The following DDX19B variants were observed in gnomAD, a reference collection of about 807,000 sequenced individuals.
DDX19B encodes the protein DEAD-box helicase 19B, also known as ATP-dependent RNA helicase DDX19B.
DDX19B carries 27 observed loss-of-function variants against 58.1 expected under a neutral mutation model. The observed-to-expected ratio is 0.46, with a 90% CI of 0.34 to 0.64. DDX19B has a LOEUF of 0.64. DDX19B is among the 30% of genes least tolerant of loss of function. DDX19B has a pLI of 0.01. For synonymous variants in DDX19B, 187 were observed against 214.4 expected (o/e 0.87, Z 1.12); for missense variants, 399 against 596.5 (o/e 0.67, Z 3.45).
chr16:70,316,221 T>C (rs1172080438), intron 4 of DDX19B, 117 bp downstream of exon 4: 5 of 1,453,438 alleles, frequency 3.4e-6, no homozygotes, highest in South Asian at 1.5e-5. Flanking sequence ...GTTTTTTTTT[T>C]TTTTTCGAGA....
upstream of DDX19B, chr16:70,294,905 G>C (rs1057097109): frequency 2.3e-5 from 35 of 1,525,872 alleles, no homozygotes; most frequent in Non-Finnish European, 3.0e-5. Flanking sequence ...CCATCACCCT[G>C]CCTGTGGGCG....
rs1963046454 is a variant in DDX19B, at chr16:70,324,662, T to G, written c.467T>G (p.Val156Gly). 1.2e-6 allele frequency: 2 copies of G among 1,613,590 alleles called. No homozygotes were observed. The highest frequency in any genetic ancestry group is 1.7e-6 in the Non-Finnish European group (2 of 1,179,956). The change falls in exon 6 of 12, where the codon GTA becomes GGA. Residue 156 changes from valine (V) to glycine (G), a missense_variant. Coordinates refer to ENST00000288071, the MANE Select transcript of DDX19B (RefSeq NM_007242.7). ...AAFVLAMLSQ[V>G]EPANKYPQCL... Reference sequence around the variant, plus strand: ...TTCGTGCTGGCCATGCTTAGCCAAGTAGAACCTGCAAACAAATACCCCCAG... The same window carrying G: ...TTCGTGCTGGCCATGCTTAGCCAAGGAGAACCTGCAAACAAATACCCCCAG...
intron 7 of DDX19B, among the ~76,000 whole-genome samples, chr16:70,326,489 C>T (rs1251462412): frequency 6.6e-6 from 1 of 152,110 alleles, no homozygotes; most frequent in East Asian, 1.9e-4. Flanking sequence ...AACAAGCAAA[C>T]AAACAAAAAA....
intron 5 of DDX19B, among the ~76,000 whole-genome samples, chr16:70,324,362 CAAAAAAAAAAAAAAAAA>C (rs57977602): frequency 4.9e-4 from 24 of 48,854 alleles, no homozygotes; most frequent in Non-Finnish European, 3.7e-5. Context: ...GACCTAATCT[CAAAAAAAAAAAAAAAAA>C]AAAAAAAAAG....
At chr16:70,300,361 A>G (rs1488506307) in intron 1 of DDX19B, among the ~76,000 whole-genome samples, 1 of 150,762 alleles carries the variant, frequency 6.6e-6, no homozygotes, top group African/African-American at 2.4e-5. Flanking sequence ...ATGTGCCACT[A>G]TGCCCAACTA....
At chr16:70,312,120 G>A (rs182547018) in intron 1 of DDX19B, among the ~76,000 whole-genome samples, 6 of 152,186 alleles carry the variant, frequency 3.9e-5, no homozygotes, top group Admixed American at 3.3e-4. Context: ...GATTACAGGC[G>A]CGAGCCACCG....
chr16:70,312,650 T>C lies in DDX19B; in HGVS notation c.99T>C (p.Asp33=), dbSNP rs1207759745. ...LHLKEEKIKP[D]TNGAVVKTNA... ...TTAAGGAAGAGAAAATCAAACCAGA[T>C]ACCAATGGTAAGTAACTAATAGCTA... is the stretch of plus-strand genomic sequence containing the variant. Residue 33 remains aspartate (D), a synonymous_variant, in exon 2 of 12, where the codon GAT becomes GAC. Transcript: ENST00000288071. The C allele has an allele frequency of 1.2e-6, 2 of 1,611,292 alleles. No individual in the cohort carries two copies. Among genetic ancestry groups the C allele is most frequent in the Non-Finnish European group, 1.7e-6 (2 of 1,177,962 alleles).
In DDX19B at chr16:70,312,621, C is replaced by A. The variant is rs1312774574; in HGVS notation, c.70C>A (p.His24Asn). 2.5e-6 allele frequency: 4 copies of A among 1,612,966 alleles called. No individual in the cohort carries two copies. The highest frequency in any genetic ancestry group is 3.4e-6 in the Non-Finnish European group (4 of 1,179,414). The stretch of plus-strand genomic sequence containing the variant: ...ATTCTCCATTTAGTTGAGCAACTTG[C>A]ATCTTAAGGAAGAGAAAATCAAACC... ...EAAAESLSNLHLKEEKIKPDT... is the reference protein window; with the variant it reads ...EAAAESLSNLNLKEEKIKPDT... The change falls in exon 2 of 12, where the codon CAT (histidine) becomes AAT (asparagine). Residue 24 changes from histidine to asparagine, a missense_variant. Transcript: ENST00000288071.
chr16:70,293,012 A>G (rs889634083), upstream of DDX19B, among the ~76,000 whole-genome samples: 20 of 152,158 alleles, frequency 1.3e-4, no homozygotes, highest in African/African-American at 4.6e-4. Context: ...AGGCTGAGGC[A>G]GAGGCTGCAG....
chr16:70,292,841 C>T (rs1961095812), upstream of DDX19B, among the ~76,000 whole-genome samples: 1 of 151,896 alleles, frequency 6.6e-6, no homozygotes, highest in Admixed American at 6.6e-5. Context: ...CACAGTGGCT[C>T]ATGCCTGTAA....
In DDX19B at chr16:70,316,118, C is replaced by T. The variant is rs3207733; in HGVS notation, c.296+14C>T. ...AGAGCTTCGGCTGTGAGTATTTATT[C>T]ACCTTCTGACTCTTCCCCTTTGCAC... On this transcript the variant is annotated intron_variant, in intron 4 of 11. Transcript: ENST00000288071. 8 of 1,613,838 alleles carry T rather than the reference C, an allele frequency of 5.0e-6. No individual in the cohort carries two copies. Among genetic ancestry groups the T allele is most frequent in the Non-Finnish European group, 6.8e-6 (8 of 1,179,952 alleles).
intron 2 of DDX19B, among the ~76,000 whole-genome samples, chr16:70,314,118 A>C (rs1233115103): frequency 1.3e-5 from 2 of 151,956 alleles, no homozygotes; most frequent in Non-Finnish European, 2.9e-5. Context: ...AAAAAAGAAA[A>C]AAAAAATTTA....
Position 70,316,060 on chromosome 16 carries a change from A to G in DDX19B, c.252A>G (p.Pro84=), listed in dbSNP as rs1348481821. The change falls in exon 4 of 12, where the codon CCA becomes CCG. Residue 84 remains proline (P), a synonymous_variant. Coordinates refer to ENST00000288071, the MANE Select transcript of DDX19B (RefSeq NM_007242.7). ...AAGTGGAAGTCCTGCAGCGGGATCC[A>G]AACTCCCCTCTGTACTCGGTGAAGT... The part of the protein sequence containing the change: ...TNQVEVLQRD[P]NSPLYSVKSF... 1.2e-6 allele frequency: 2 copies of G among 1,614,124 alleles called. No individual in the cohort carries two copies. The highest frequency in any genetic ancestry group is 8.5e-7 in the Non-Finnish European group (1 of 1,180,032).
At chr16:70,303,069 G>A (rs1395853370) in intron 1 of DDX19B, among the ~76,000 whole-genome samples, 2 of 152,180 alleles carry the variant, frequency 1.3e-5, no homozygotes, top group Non-Finnish European at 2.9e-5. Context: ...CATTTTTAAA[G>A]TAGGATTGTT....
intron 7 of DDX19B, among the ~76,000 whole-genome samples, chr16:70,327,302 A>C (rs1597497646): frequency 6.6e-6 from 1 of 151,612 alleles, no homozygotes; most frequent in East Asian, 2.0e-4. Context: ...TAGCAGGCCG[A>C]GGTGGGTGGA....
chr16:70,331,620 A>T lies in DDX19B; in HGVS notation c.1024-102A>T, dbSNP rs1963480760. The T allele has an allele frequency of 2.1e-6, 3 of 1,433,300 alleles. No homozygotes were observed. The East Asian group carries it at 7.4e-5, about 35-fold the overall frequency. 88.8% of individuals were successfully genotyped at this position (1,433,300 alleles called of 1,614,324 possible). On this transcript the variant is annotated intron_variant, in intron 9 of 11. Coordinates refer to ENST00000288071, the MANE Select transcript of DDX19B (RefSeq NM_007242.7). ...GCCTAACCTCCTAACTGGATTTAGCAGGGCCTTCATGTATTTTAATCGTGG... is the reference window on the plus strand; with the variant it reads ...GCCTAACCTCCTAACTGGATTTAGCTGGGCCTTCATGTATTTTAATCGTGG...
At chr16:70,329,689 C>T (rs567676895) in intron 8 of DDX19B, 142 bp from the exon 9 acceptor site, 412 of 1,286,894 alleles carry the variant, frequency 3.2e-4, no homozygotes, top group Non-Finnish European at 4.3e-4. Flanking sequence ...CTGTCCCCAT[C>T]CCAGGCCTGC....
At chr16:70,316,189 C>A in intron 4 of DDX19B, 85 bp downstream of exon 4, 1 of 1,519,256 alleles carries the variant, frequency 6.6e-7, no homozygotes, top group Non-Finnish European at 8.9e-7. Context: ...TTGACCACAA[C>A]AGAGCAGTTT....
chr16:70,296,245 A>T (rs1961215982), upstream of DDX19B, among the ~76,000 whole-genome samples: 1 of 150,218 alleles, frequency 6.7e-6, no homozygotes, highest in South Asian at 2.1e-4. Flanking sequence ...CTCGTGATCC[A>T]CCACCTTGGC....
Sources: gnomAD v4.1 joint callset for allele counts (sites outside exome capture counted in the v4.1 genomes callset) on GRCh38, gnomAD v4.1.1 for gene constraint, MANE v1.5 for transcripts, NCBI Gene and HGNC (gene_info 2026-07-23, HGNC 2026-07-21) for gene names.